Variants in TRIM16 observed in about 807,000 individuals in gnomAD.
TRIM16 encodes tripartite motif containing 16.
In TRIM16, 33 loss-of-function variants were observed where a neutral mutation model predicts 50.4. That is an observed-to-expected ratio of 0.65 (90% CI 0.50 to 0.88). The LOEUF (loss-of-function observed/expected upper bound fraction) is 0.88, where lower values mean the gene tolerates loss of function less well. Among genes scored for constraint, TRIM16 ranks in the 40% least tolerant of loss-of-function variants. The pLI is 0.00. For synonymous variants in TRIM16, 229 were observed against 270.7 expected (o/e 0.85, Z 1.51); for missense variants, 581 against 686.8 (o/e 0.85, Z 1.72).
At chr17:15,652,820 T>G (rs977050061) in intron 6 of TRIM16, among the ~76,000 whole-genome samples, 1 of 152,050 alleles carries the variant, frequency 6.6e-6, no homozygotes, top group Non-Finnish European at 1.5e-5. Flanking sequence ...TCCAGTAATG[T>G]CCGTCACACT....
chr17:15,630,093 G>T lies in TRIM16; in HGVS notation c.1112-895C>A, dbSNP rs538958980. ...TGGCCTACCAGGCCCCACGTCCCTG[G>T]TCCTTTCCTGTGTCTCTGACTCTCT... On this transcript the variant is annotated intron_variant, in intron 11 of 11. Coordinates refer to ENST00000649191, the MANE Select transcript of TRIM16 (RefSeq NM_001348119.1). Among the ~76,000 whole-genome samples, 279 of 152,124 alleles carry T rather than the reference G, an allele frequency of 1.8e-3. 1 individual carries two copies. Among genetic ancestry groups the T allele is most frequent in the Non-Finnish European group, 2.9e-3 (195 of 68,014 alleles).
intron 6 of TRIM16, among the ~76,000 whole-genome samples, chr17:15,671,605 C>T (rs1044560200): frequency 6.6e-5 from 10 of 151,912 alleles, no homozygotes; most frequent in Non-Finnish European, 1.3e-4. Context: ...AACTCTATTT[C>T]ACGTGATTTT....
chr17:15,654,668 T>A (rs965139588), intron 6 of TRIM16, among the ~76,000 whole-genome samples: 5 of 152,202 alleles, frequency 3.3e-5, no homozygotes, highest in Non-Finnish European at 7.3e-5. Context: ...TTGTAAAACA[T>A]GTTTTTTCCT....
Position 15,677,182 on chromosome 17 carries a change from C to T in TRIM16, c.-344G>A, listed in dbSNP as rs143227414. On this transcript the variant is annotated 5_prime_UTR_variant, in exon 6 of 12. Transcript: ENST00000649191. ...CTGCCTTGTTCTCACTTACGTGTACCGCTGCTTCTTGGCACCTCTCCCTCC... is the reference window on the plus strand; with the variant it reads ...CTGCCTTGTTCTCACTTACGTGTACTGCTGCTTCTTGGCACCTCTCCCTCC... The T allele has an allele frequency of 4.1e-6, 4 of 985,238 alleles. No individual in the cohort carries two copies. The highest frequency in any genetic ancestry group is 3.6e-6 in the Non-Finnish European group (3 of 829,922). 61.0% of individuals were successfully genotyped at this position (985,238 alleles called of 1,614,324 possible). A position where few individuals can be genotyped will look rare whatever the true frequency, so the allele number is the denominator to read the frequency against.
At chr17:15,634,181 T>C (rs1481735399) in intron 9 of TRIM16, among the ~76,000 whole-genome samples, 1 of 147,646 alleles carries the variant, frequency 6.8e-6, no homozygotes, top group Non-Finnish European at 1.5e-5. Context: ...TACAAAAAAT[T>C]AGCCGGGCGC....
At chr17:15,645,352 T>C (rs1159938823) in intron 7 of TRIM16, among the ~76,000 whole-genome samples, 2 of 152,188 alleles carry the variant, frequency 1.3e-5, no homozygotes, top group African/African-American at 2.4e-5. Context: ...TTTCCATTCA[T>C]GTTCTGTATT....
chr17:15,668,460 T>C (rs1466795205), intron 6 of TRIM16, among the ~76,000 whole-genome samples: 1 of 152,180 alleles, frequency 6.6e-6, no homozygotes, highest in Non-Finnish European at 1.5e-5. Flanking sequence ...TTAAAATCTT[T>C]CCATGGCTCT....
At chr17:15,653,584 ATC>A (rs1334347123) in intron 6 of TRIM16, among the ~76,000 whole-genome samples, 1 of 152,198 alleles carries the variant, frequency 6.6e-6, no homozygotes, top group Non-Finnish European at 1.5e-5. Flanking sequence ...CTTTGTACGT[ATC>A]TGTGTCCTAA....
intron 6 of TRIM16, among the ~76,000 whole-genome samples, chr17:15,652,631 T>G (rs1157291067): frequency 6.6e-6 from 1 of 151,738 alleles, no homozygotes; most frequent in Non-Finnish European, 1.5e-5. Context: ...TGGCTCATTT[T>G]TGTATTATTA....
rs182582835 is a variant in TRIM16, at chr17:15,633,516, T to C, written c.850-842A>G. On this transcript the variant is annotated intron_variant, in intron 9 of 11. Transcript: ENST00000649191. ...ACCAAAAATTTGGGGGAAAACGTTA[T>C]CTTTTGCCAAAATAAATAAATATCT... Among the ~76,000 whole-genome samples the C allele has an allele frequency of 8.1e-3, 1,207 of 148,564 alleles. 63 individuals carry two copies. The highest frequency in any genetic ancestry group is 0.014 in the Non-Finnish European group (931 of 67,090).
intron 7 of TRIM16, among the ~76,000 whole-genome samples, chr17:15,644,798 T>G (rs1567674939): frequency 6.7e-6 from 1 of 149,178 alleles, no homozygotes. Context: ...AACCTAAGTT[T>G]TTGTTGTTGT....
At chr17:15,642,452 G>A (rs1184505623) in intron 8 of TRIM16, among the ~76,000 whole-genome samples, 1 of 148,166 alleles carries the variant, frequency 6.7e-6, no homozygotes, top group Admixed American at 6.7e-5. Context: ...GACAGCATAA[G>A]CAAATGTAGA....
intron 8 of TRIM16, among the ~76,000 whole-genome samples, chr17:15,642,444 C>T (rs962959196): frequency 8.1e-5 from 12 of 148,354 alleles, no homozygotes; most frequent in Admixed American, 7.3e-4. Flanking sequence ...CCTGTCAAGA[C>T]AGCATAAGCA....
rs1460894692 is a variant in TRIM16 at position 15,631,613 on chromosome 17, A to T, written c.1111+6T>A. 5 of 1,613,840 alleles carry T rather than the reference A, an allele frequency of 3.1e-6. No individual in the cohort carries two copies. The Admixed American group carries it at 6.7e-5, about 22-fold the overall frequency. Reference sequence around the variant, plus strand: ...ACTGGAGAAGCGGGTGCCGTTCACAACTTACATTGGAGGAACTGTTCCCTG... The same window carrying T: ...ACTGGAGAAGCGGGTGCCGTTCACATCTTACATTGGAGGAACTGTTCCCTG... On this transcript the variant is annotated splice_donor_region_variant and intron_variant, in intron 11 of 11. Transcript: ENST00000649191.
chr17:15,660,989 T>A (rs1487780300), intron 6 of TRIM16, among the ~76,000 whole-genome samples: 1 of 151,568 alleles, frequency 6.6e-6, no homozygotes, highest in Non-Finnish European at 1.5e-5. Flanking sequence ...AGTATTTTAG[T>A]AGGAAGGAAA....
chr17:15,664,645 C>T (rs2150930747), intron 6 of TRIM16, among the ~76,000 whole-genome samples: 1 of 152,294 alleles, frequency 6.6e-6, no homozygotes. Context: ...AGACTACGTC[C>T]TAGGAAAATG....
intron 6 of TRIM16, among the ~76,000 whole-genome samples, chr17:15,674,686 T>C (rs147451202): frequency 0.031 from 4,703 of 152,126 alleles, 220 homozygotes; most frequent in African/African-American, 0.11. Flanking sequence ...TCTCTGTTCT[T>C]GCCATTTTGG....
chr17:15,628,647 G>C lies in TRIM16; in HGVS notation c.1663C>G (p.Pro555Ala). Reference protein sequence around the residue: ...IVDLGEEPEKPAPSLVGTAP With the variant: ...IVDLGEEPEKAAPSLVGTAP ...GCAGTCCCCACCAAGGACGGTGCTG[G>C]CTTCTCGGGTTCCTCTCCCAGATCT... The change falls in exon 12 of 12, where the codon CCA becomes GCA. Residue 555 changes from proline to alanine, a missense_variant. Around this residue, in one of 3 missense-constraint regions of TRIM16, gnomAD observed 16 missense variants for 35.8 expected, o/e 0.45. Coordinates refer to ENST00000649191, the MANE Select transcript of TRIM16 (RefSeq NM_001348119.1). 6.2e-7 allele frequency: 1 copy of C among 1,613,260 alleles called. No individual in the cohort carries two copies. The highest frequency in any genetic ancestry group is 8.5e-7 in the Non-Finnish European group (1 of 1,179,526).
At position 15,636,120 on chromosome 17, in the gene TRIM16, C is replaced by T. The variant is rs1182535413; in HGVS notation, c.765G>A (p.Leu255=). 8 of 1,609,858 alleles carry T rather than the reference C, an allele frequency of 5.0e-6. 1 individual carries two copies. The South Asian group carries it at 8.8e-5, about 18-fold the overall frequency. The change falls in exon 9 of 12, where the codon CTG becomes CTA. Residue 255 remains leucine (L), a synonymous_variant. Transcript: ENST00000649191. ...LSQANGIKAH[L]EYRSAEMEKS... ...TCTCCATCTCGGCACTCCTGTACTC[C>T]AGGTGGGCCTTGATACCGTTGGCCT...
Sources: allele counts gnomAD v4.1 joint callset (sites outside exome capture counted in the v4.1 genomes callset), GRCh38; gene constraint gnomAD v4.1.1; regional missense constraint gnomAD v4.1.1; transcripts MANE v1.5; gene names NCBI Gene and HGNC (gene_info 2026-07-23, HGNC 2026-07-21).